The following SIPA1L1 variants were observed in gnomAD, a reference collection of about 807,000 sequenced individuals.
SIPA1L1 encodes the protein signal induced proliferation associated 1 like 1.
Under a neutral mutation model 162.7 loss-of-function variants are expected in SIPA1L1, and 26 were observed. The observed-to-expected ratio is 0.16, with a 90% CI of 0.12 to 0.22. SIPA1L1 has a LOEUF of 0.22. SIPA1L1 is among the 10% of genes least tolerant of loss of function. SIPA1L1 has a pLI of 1.00. For missense variants in SIPA1L1, 1,874 were observed against 2,241.0 expected (o/e 0.84, Z 3.31); for synonymous variants, 829 against 837.4 (o/e 0.99, Z 0.17).
At chr14:71,496,441 T>C (rs2049788540) in intron 2 of SIPA1L1, among the ~76,000 whole-genome samples, 1 of 152,256 alleles carries the variant, frequency 6.6e-6, no homozygotes, top group Non-Finnish European at 1.5e-5. Flanking sequence ...AAATTTCTTT[T>C]GATTGTAGAT....
intron 1 of SIPA1L1, 50 bp from the exon 2 acceptor site, chr14:71,321,072 C>A (rs2032782753): frequency 1.3e-5 from 2 of 151,752 alleles, no homozygotes; most frequent in African/African-American, 2.4e-5. Flanking sequence ...GCAGAGGAGG[C>A]GGCGAGTGAG....
chr14:71,631,716 CT>C (rs973625292), intron 7 of SIPA1L1, among the ~76,000 whole-genome samples: 2 of 152,042 alleles, frequency 1.3e-5, no homozygotes, highest in African/African-American at 4.8e-5. Context: ...CAGGTTTTTT[CT>C]TTTTACAACT....
chr14:71,468,133 G>A (rs1486285050), intron 2 of SIPA1L1, among the ~76,000 whole-genome samples: 1 of 151,620 alleles, frequency 6.6e-6, no homozygotes. Flanking sequence ...TTCCTGATCT[G>A]TCAATGACTT....
rs938062881 is a variant in SIPA1L1 at position 71,412,164 on chromosome 14, T to C, written c.-465+90983T>C. Among the ~76,000 whole-genome samples the C allele has an allele frequency of 2.6e-5, 4 of 152,362 alleles. No homozygotes were observed. In the South Asian group the frequency reaches 6.2e-4, roughly 24 times the overall value. On this transcript the variant is annotated intron_variant, in intron 2 of 23. Coordinates refer to ENST00000381232, the MANE Select transcript of SIPA1L1 (RefSeq NM_001386936.1). ...TGTGTAAAAACAGCAAGTTTTGTTA[T>C]CTTAGATATCTGACTCTCAGAATAT... is the stretch of plus-strand genomic sequence containing the variant.
At position 71,588,157 on chromosome 14, in the gene SIPA1L1, T is replaced by C. The variant is rs775356593; in HGVS notation, c.285T>C (p.Arg95=). 1.9e-6 allele frequency: 3 copies of C among 1,614,048 alleles called. No homozygotes were observed. The highest frequency in any genetic ancestry group is 1.7e-6 in the Non-Finnish European group (2 of 1,179,974). ...PRKENIKESS[R]SSQEIETSSC... ...AGGAAAACATAAAAGAATCTAGCCG[T>C]TCAAGCCAGGAAATAGAAACCTCAA... The change falls in exon 5 of 24, where the codon CGT becomes CGC. Residue 95 remains arginine (R), a synonymous_variant. Transcript: ENST00000381232. The surrounding 1 kb of genome is among the most constrained non-coding windows in gnomAD (Gnocchi z 4.3).
chr14:71,485,973 A>T (rs1404865276), intron 2 of SIPA1L1, among the ~76,000 whole-genome samples: 1 of 152,010 alleles, frequency 6.6e-6, no homozygotes, highest in African/African-American at 2.4e-5. Flanking sequence ...TGTTGGCCCT[A>T]CTCACTCTCC....
At chr14:71,658,060 T>C (rs2043208109) in intron 8 of SIPA1L1, among the ~76,000 whole-genome samples, 2 of 152,198 alleles carry the variant, frequency 1.3e-5, no homozygotes, top group African/African-American at 2.4e-5. Context: ...TATTTGATAC[T>C]GTGCGCTTCG....
chr14:71,414,385 AAAAAAC>A (rs750579976), intron 2 of SIPA1L1, among the ~76,000 whole-genome samples: 69 of 152,344 alleles, frequency 4.5e-4, no homozygotes, highest in African/African-American at 8.7e-4. Flanking sequence ...TCTCAGGGAA[AAAAAAC>A]AAAAACAAAA....
intron 2 of SIPA1L1, chr14:71,330,320 T>C: frequency 1.3e-6 from 1 of 782,180 alleles, no homozygotes; most frequent in Non-Finnish European, 2.4e-6. Flanking sequence ...CATGAAGGGC[T>C]GTGGGCTGTA....
intron 3 of SIPA1L1, among the ~76,000 whole-genome samples, chr14:71,526,907 G>A (rs1189487604): frequency 6.6e-6 from 1 of 152,182 alleles, no homozygotes; most frequent in Non-Finnish European, 1.5e-5. Flanking sequence ...TGCAGGGTAT[G>A]TTTATGTTCT....
chr14:71,596,039 A>T (rs1212623825), intron 5 of SIPA1L1, among the ~76,000 whole-genome samples: 1 of 152,174 alleles, frequency 6.6e-6, no homozygotes, highest in Non-Finnish European at 1.5e-5. Flanking sequence ...GTCATCTGAG[A>T]GGCAGATGCT....
rs375516589 is a variant in SIPA1L1, at chr14:71,330,807, C to T, written c.-465+9626C>T. The T allele has an allele frequency of 4.3e-4, 288 of 673,326 alleles. No homozygotes were observed. The African/African-American group carries it at 4.4e-3, about 10-fold the overall frequency. The allele number at this position is 673,326 out of a possible 1,614,324, so 41.7% of individuals were successfully genotyped here. ...TCCCTGACGACCTCAGGCTTCACTCCATATTCTAGATATTAACACCTTATG... is the reference window on the plus strand; with the variant it reads ...TCCCTGACGACCTCAGGCTTCACTCTATATTCTAGATATTAACACCTTATG... On this transcript the variant is annotated intron_variant, in intron 2 of 23. Coordinates refer to ENST00000381232, the MANE Select transcript of SIPA1L1 (RefSeq NM_001386936.1).
rs78793189 is a variant in SIPA1L1, at chr14:71,705,046, G to T, written c.3647-176G>T. 4,334 of 621,384 alleles carry T rather than the reference G, an allele frequency of 7.0e-3. 118 individuals carry two copies. The highest frequency in any genetic ancestry group is 0.056 in the African/African-American group (3,048 of 54,478). The allele number at this position is 621,384 out of a possible 1,614,324, so 38.5% of individuals were successfully genotyped here. A position where few individuals can be genotyped will look rare whatever the true frequency, so the allele number is the denominator to read the frequency against. On this transcript the variant is annotated intron_variant, in intron 15 of 23. Coordinates refer to ENST00000381232, the MANE Select transcript of SIPA1L1 (RefSeq NM_001386936.1). ...CACCAGCTGCAAGCTTTATCCATCAGCCACTTAAGTTTCTGACCTGCTGTC... is the reference window on the plus strand; with the variant it reads ...CACCAGCTGCAAGCTTTATCCATCATCCACTTAAGTTTCTGACCTGCTGTC...
At chr14:71,675,733 G>A (rs770143326) in intron 12 of SIPA1L1, among the ~76,000 whole-genome samples, 16 of 152,148 alleles carry the variant, frequency 1.1e-4, no homozygotes, top group Non-Finnish European at 2.1e-4. Context: ...GCAGCGAGAG[G>A]CAGGACAGGC....
chr14:71,722,831 G>A (rs944957294), intron 17 of SIPA1L1, among the ~76,000 whole-genome samples: 5 of 152,150 alleles, frequency 3.3e-5, no homozygotes, highest in African/African-American at 1.2e-4. Context: ...TGCCTCCCGG[G>A]TTCAAGCGAT....
intron 7 of SIPA1L1, 40 bp downstream of exon 7, chr14:71,624,276 T>G (rs1407173874): frequency 6.5e-7 from 1 of 1,527,604 alleles, no homozygotes; most frequent in Non-Finnish European, 8.9e-7. Flanking sequence ...TTGCTCAGGT[T>G]TATTGCTAGG....
chr14:71,586,752 T>G (rs1458564539), intron 4 of SIPA1L1: 1 of 152,250 alleles, frequency 6.6e-6, no homozygotes, highest in Admixed American at 6.5e-5. Context: ...GTGTTTTGTT[T>G]CTGCCGTCTT....
rs533761287 is a variant in SIPA1L1, at chr14:71,530,184, G to A, written c.-303+814G>A. On this transcript the variant is annotated intron_variant, in intron 4 of 23. Coordinates refer to ENST00000381232, the MANE Select transcript of SIPA1L1 (RefSeq NM_001386936.1). Reference sequence around the variant, plus strand: ...ATTAGTTTCTCCCTGGGGAAATGTAGGAGTAATTGCAAAGCAAGGCAAAAT... The same window carrying A: ...ATTAGTTTCTCCCTGGGGAAATGTAAGAGTAATTGCAAAGCAAGGCAAAAT... 1.1e-4 allele frequency among the ~76,000 whole-genome samples: 17 copies of A among 152,312 alleles called. 1 individual carries two copies. The South Asian group carries it at 3.3e-3, about 30-fold the overall frequency.
At chr14:71,456,250 G>A (rs1156903538) in intron 2 of SIPA1L1, among the ~76,000 whole-genome samples, 1 of 152,178 alleles carries the variant, frequency 6.6e-6, no homozygotes, top group African/African-American at 2.4e-5. Context: ...GCAAAGAGAC[G>A]AGCAAATCAG....
Sources: gnomAD v4.1 joint callset for allele counts (sites outside exome capture counted in the v4.1 genomes callset) on GRCh38, gnomAD v4.1.1 for gene constraint, Gnocchi (gnomAD v3.1) non-coding constraint, MANE v1.5 for transcripts, NCBI Gene and HGNC (gene_info 2026-07-23, HGNC 2026-07-21) for gene names.